The following TUBGCP3 variants were observed in gnomAD, a reference collection of about 807,000 sequenced individuals.
The protein encoded by TUBGCP3 is gamma-tubulin complex component 3.
Under a neutral mutation model 123.1 loss-of-function variants are expected in TUBGCP3, and 50 were observed. The observed-to-expected ratio is 0.41, with a 90% CI of 0.32 to 0.51. The LOEUF (loss-of-function observed/expected upper bound fraction) is 0.51. TUBGCP3 is among the 20% of genes least tolerant of loss of function. The pLI, the probability that TUBGCP3 is intolerant of heterozygous loss-of-function variation, is 0.36. For missense variants in TUBGCP3, 882 were observed against 1,127.0 expected (o/e 0.78, Z 3.11); for synonymous variants, 405 against 413.9 (o/e 0.98, Z 0.26).
intron 19 of TUBGCP3, among the ~76,000 whole-genome samples, chr13:112,502,219 T>A (rs1880953370): frequency 6.6e-6 from 1 of 152,214 alleles, no homozygotes; most frequent in African/African-American, 2.4e-5. Context: ...CATGCCCTTT[T>A]AAAACAGAAC....
intron 1 of TUBGCP3, among the ~76,000 whole-genome samples, chr13:112,585,939 TAA>T (rs909993562): frequency 7.0e-6 from 1 of 142,460 alleles, no homozygotes. Flanking sequence ...ATCTTCAATG[TAA>T]AAAAAAAAAA....
chr13:112,507,120 G>A (rs1174921220), intron 17 of TUBGCP3, among the ~76,000 whole-genome samples: 1 of 152,198 alleles, frequency 6.6e-6, no homozygotes, highest in Non-Finnish European at 1.5e-5. Flanking sequence ...AACCACTTGT[G>A]GAAGGTTTTT....
At chr13:112,502,774 T>TA (rs1881018613) in intron 19 of TUBGCP3, among the ~76,000 whole-genome samples, 1 of 151,996 alleles carries the variant, frequency 6.6e-6, no homozygotes, top group African/African-American at 2.4e-5. Flanking sequence ...CTCAAGCTCC[T>TA]AACCTCGTGA....
intron 8 of TUBGCP3, among the ~76,000 whole-genome samples, chr13:112,552,089 G>A (rs112323596): frequency 1.4e-4 from 21 of 152,270 alleles, no homozygotes; most frequent in East Asian, 3.9e-4. Flanking sequence ...ACCTCCTGCC[G>A]TGCGGCCCAG....
Position 112,504,718 on chromosome 13 carries a change from C to A in TUBGCP3, c.2087-4G>T. ...TGGTGCAGCACCCCGGAGAACTCTG[C>A]AAGGGAAGAGTTGACGTCAGAGGTG... On this transcript the variant is annotated splice_polypyrimidine_tract_variant and splice_region_variant and intron_variant, in intron 17 of 21. Coordinates refer to ENST00000261965, the MANE Select transcript of TUBGCP3 (RefSeq NM_006322.6). 1 of 1,612,764 alleles carries A rather than the reference C, an allele frequency of 6.2e-7. No individual in the cohort carries two copies.
Position 112,552,837 on chromosome 13 carries a change from ACTCCTCCCCACCAGCCACG to A in TUBGCP3, c.966+1201_966+1219del, listed in dbSNP as rs1315161632. 4.5e-3 allele frequency among the ~76,000 whole-genome samples: 634 copies of A among 140,222 alleles called. 3 individuals carry two copies. Among genetic ancestry groups the A allele is most frequent in the Non-Finnish European group, 6.0e-3 (394 of 65,130 alleles). The allele number at this position is 140,222 out of a possible 152,430, so 92.0% of individuals were successfully genotyped here. ...CTCAGCAGCCACACTGCCACAGCAC[ACTCCTCCCCACCAGCCACG>A]CTCCTCCCCACCAGCCACGCTCTTC... On this transcript the variant is annotated intron_variant, in intron 8 of 21. Coordinates refer to ENST00000261965, the MANE Select transcript of TUBGCP3 (RefSeq NM_006322.6).
intron 8 of TUBGCP3, among the ~76,000 whole-genome samples, chr13:112,548,902 T>C (rs564077121): frequency 3.0e-4 from 45 of 152,276 alleles, no homozygotes; most frequent in African/African-American, 9.1e-4. Context: ...GTAAACTAGT[T>C]CAACCATTGT....
Position 112,558,212 on chromosome 13 carries a change from G to T in TUBGCP3, c.532C>A (p.Gln178Lys). Reference protein sequence around the residue: ...CALSGPAPAPQSLLPGQSNQA... With the variant: ...CALSGPAPAPKSLLPGQSNQA... ...TGGCCTTACCCTGGGAGGAGAGATT[G>T]TGGCGCAGGCGCGGGGCCACTGAGG... Residue 178 changes from glutamine (Q) to lysine (K), a missense_variant, in exon 5 of 22, where the codon CAA becomes AAA. Physicochemically the swap from Gln to Lys is moderately conservative, Grantham distance 53. Around this residue, in one of 3 missense-constraint regions of TUBGCP3, gnomAD observed 713 missense variants for 874.0 expected, o/e 0.82. Transcript: ENST00000261965. 1 of 1,610,892 alleles carries T rather than the reference G, an allele frequency of 6.2e-7. No homozygotes were observed. The highest frequency in any genetic ancestry group is 1.3e-5 in the African/African-American group (1 of 74,992).
the TUBGCP3 span, among the ~76,000 whole-genome samples, chr13:112,596,307 G>A: frequency 6.6e-6 from 1 of 152,100 alleles, no homozygotes; most frequent in Non-Finnish European, 1.5e-5. Context: ...AGGTATGATG[G>A]CAGCAAATTC....
chr13:112,584,362 C>T (rs144665537), intron 1 of TUBGCP3, among the ~76,000 whole-genome samples: 1 of 152,168 alleles, frequency 6.6e-6, no homozygotes, highest in African/African-American at 2.4e-5. Context: ...CCATCAAGTA[C>T]AACTTGAAAC....
In TUBGCP3 at chr13:112,545,569, G is replaced by T; in HGVS notation, c.1335+130C>A. On this transcript the variant is annotated intron_variant, in intron 11 of 21. Transcript: ENST00000261965. The surrounding 1 kb of genome is among the most constrained non-coding windows in gnomAD (Gnocchi z 4.1). ...TCGAGGCACTGTGTAAAATGTATAT[G>T]GTATTCAATGGAAGTGCAGTTGCAT... 3.0e-6 allele frequency: 3 copies of T among 1,005,614 alleles called. No homozygotes were observed. Among genetic ancestry groups the T allele is most frequent in the African/African-American group, 1.6e-5 (1 of 62,922 alleles). The allele number at this position is 1,005,614 out of a possible 1,614,324, so 62.3% of individuals were successfully genotyped here. A position where few individuals can be genotyped will look rare whatever the true frequency, so the allele number is the denominator to read the frequency against.
chr13:112,586,172 G>A (rs1882596960), intron 1 of TUBGCP3, among the ~76,000 whole-genome samples: 1 of 150,464 alleles, frequency 6.6e-6, no homozygotes, highest in Non-Finnish European at 1.5e-5. Flanking sequence ...CCGGAAGGTA[G>A]AGCTTGGCAG....
intron 5 of TUBGCP3, among the ~76,000 whole-genome samples, chr13:112,557,328 T>C (rs1042086460): frequency 6.6e-6 from 1 of 152,240 alleles, no homozygotes; most frequent in Non-Finnish European, 1.5e-5. Context: ...CTAGACCCCA[T>C]TGGTAATCCA....
intron 11 of TUBGCP3, among the ~76,000 whole-genome samples, chr13:112,531,678 T>C (rs1208803333): frequency 1.3e-5 from 2 of 152,188 alleles, no homozygotes; most frequent in African/African-American, 2.4e-5. Flanking sequence ...CAGGCATGTT[T>C]AGAAGTTATG....
rs1463420343 is a variant in TUBGCP3, at chr13:112,485,557, T to G, written c.*436A>C. ...CATTTTGTTTCAATTTAATTTTTGG[T>G]TATGTTAACAAAAATTACCTCTAAA... On this transcript the variant is annotated 3_prime_UTR_variant, in exon 22 of 22. Transcript: ENST00000261965. 6.4e-6 allele frequency: 1 copy of G among 156,800 alleles called. No individual in the cohort carries two copies. The highest frequency in any genetic ancestry group is 1.4e-5 in the Non-Finnish European group (1 of 71,136). 9.7% of individuals were successfully genotyped at this position (156,800 alleles called of 1,614,324 possible). A position where few individuals can be genotyped will look rare whatever the true frequency, so the allele number is the denominator to read the frequency against.
At chr13:112,534,371 C>A (rs1036566866) in intron 11 of TUBGCP3, among the ~76,000 whole-genome samples, 3 of 152,040 alleles carry the variant, frequency 2.0e-5, no homozygotes, top group Non-Finnish European at 4.4e-5. Context: ...ACGGTGAAAC[C>A]CCATCTCTAC....
chr13:112,605,009 T>C, the TUBGCP3 span: 1 of 152,320 alleles, frequency 6.6e-6, no homozygotes, highest in South Asian at 2.1e-4. Context: ...TAAAAGCCAT[T>C]CTAAAAGCAG....
intron 17 of TUBGCP3, among the ~76,000 whole-genome samples, chr13:112,514,932 G>C (rs1386902239): frequency 6.6e-6 from 1 of 152,176 alleles, no homozygotes; most frequent in African/African-American, 2.4e-5. Context: ...ATGTACATGA[G>C]GTAATATCGT....
chr13:112,592,609 TGA>T (rs1430581765), upstream of TUBGCP3, among the ~76,000 whole-genome samples: 14 of 152,176 alleles, frequency 9.2e-5, no homozygotes, highest in African/African-American at 3.4e-4. The surrounding 1 kb of genome is among the most constrained non-coding windows in gnomAD (Gnocchi z 4.1). Flanking sequence ...GGGAGGCAGC[TGA>T]GAGTGGAAAA....
Sources: allele counts gnomAD v4.1 joint callset (sites outside exome capture counted in the v4.1 genomes callset), GRCh38; gene constraint gnomAD v4.1.1; regional missense constraint gnomAD v4.1.1; non-coding constraint Gnocchi (gnomAD v3.1); transcripts MANE v1.5; gene names NCBI Gene and HGNC (gene_info 2026-07-23, HGNC 2026-07-21).